TUB: variants seen among roughly 807,000 people sequenced by gnomAD.
TUB encodes the protein tubby protein homolog.
A neutral mutation model predicts 59.7 loss-of-function variants in TUB; 33 were observed. The observed-to-expected ratio is 0.55, with a 90% confidence interval of 0.42 to 0.74. The LOEUF is 0.74. Among genes scored for constraint, TUB ranks in the 30% least tolerant of loss-of-function variants. The probability of loss-of-function intolerance (pLI) is 0.00; values close to 1 mark genes in which losing one functional copy is unlikely to be tolerated. For missense variants in TUB, 659 were observed against 672.0 expected, an observed-to-expected ratio of 0.98 and a Z score of 0.21; for synonymous variants, 293 against 256.4, an observed-to-expected ratio of 1.14 and a Z score of -1.36.
Position 8,100,360 on chromosome 11 carries a change from C to T in TUB, c.1117-143C>T, listed in dbSNP as rs118176577. On this transcript the variant is annotated intron_variant, in intron 9 of 11. Coordinates refer to ENST00000299506, the MANE Select transcript of TUB (RefSeq NM_177972.3). ...AGAGACCCAGGGGCTCAGTTCTGGCCGTGTTAGGTTTAGAGGGATGTGTGT... is the reference window on the plus strand; with the variant it reads ...AGAGACCCAGGGGCTCAGTTCTGGCTGTGTTAGGTTTAGAGGGATGTGTGT... The T allele has an allele frequency of 5.5e-3, 3,706 of 674,324 alleles. 24 individuals are homozygous for T. Among genetic ancestry groups the T allele is most frequent in the African/African-American group, 9.7e-3 (542 of 56,092 alleles). 41.8% of individuals were successfully genotyped at this position (674,324 alleles called of 1,614,324 possible). A position where few individuals can be genotyped will look rare whatever the true frequency, so the allele number is the denominator to read the frequency against.
In TUB at chr11:8,101,700, T is replaced by C; in HGVS notation, c.*81T>C. On this transcript the variant is annotated 3_prime_UTR_variant, in exon 12 of 12. Transcript: ENST00000299506. The stretch of plus-strand genomic sequence containing the variant: ...CCTGTGGAGACAGCCCTGCCTATCC[T>C]CTGTATATAGGCCTTCCGCCAGATG... 6.4e-7 allele frequency: 1 copy of C among 1,557,702 alleles called. No homozygotes were observed. Among genetic ancestry groups the C allele is most frequent in the Non-Finnish European group, 8.7e-7 (1 of 1,152,878 alleles).
chr11:8,062,729 G>T (rs1047920316), intron 2 of TUB, among the ~76,000 whole-genome samples: 2 of 152,144 alleles, frequency 1.3e-5, no homozygotes, highest in African/African-American at 4.8e-5. Flanking sequence ...TGCCCACAGG[G>T]ACTCTAGGGC....
chr11:8,097,638 T>C, intron 7 of TUB, 76 bp from the exon 8 acceptor site: 1 of 1,371,048 alleles, frequency 7.3e-7, no homozygotes, highest in East Asian at 2.3e-5. Context: ...ACGGAGAGAG[T>C]CTGTGTGAGT....
chr11:8,042,394 T>C (rs143641873), intron 2 of TUB, among the ~76,000 whole-genome samples: 34 of 152,338 alleles, frequency 2.2e-4, no homozygotes, highest in African/African-American at 7.9e-4. Flanking sequence ...AACATTTGGG[T>C]GTTTCCACAT....
At chr11:8,055,034 G>A (rs1942996651) in intron 2 of TUB, among the ~76,000 whole-genome samples, 1 of 152,156 alleles carries the variant, frequency 6.6e-6, no homozygotes, top group Non-Finnish European at 1.5e-5. Context: ...TGCTCAGCCT[G>A]TGTCCCCTGG....
At chr11:8,040,278 A>G (rs1325150489) in intron 2 of TUB, among the ~76,000 whole-genome samples, 1 of 152,196 alleles carries the variant, frequency 6.6e-6, no homozygotes, top group African/African-American at 2.4e-5. Flanking sequence ...GGCCCACAGA[A>G]TGGTCATAAA....
chr11:8,104,060 C>A lies in TUB; in HGVS notation c.*2441C>A, dbSNP rs1055051460. On this transcript the variant is annotated 3_prime_UTR_variant, in exon 12 of 12. Transcript: ENST00000299506. ...AGTAGCTGAGTGCACTCCTGGTGAT[C>A]CTGGTTTTCCTTGACCACTGGCCCT... 10 of 152,232 alleles carry A rather than the reference C, an allele frequency of 6.6e-5. No individual in the cohort carries two copies. Among genetic ancestry groups the A allele is most frequent in the African/African-American group, 9.6e-5 (4 of 41,458 alleles). 9.4% of individuals were successfully genotyped at this position (152,232 alleles called of 1,614,324 possible).
chr11:8,098,184 G>A (rs1052774591), intron 8 of TUB, among the ~76,000 whole-genome samples: 2 of 151,960 alleles, frequency 1.3e-5, no homozygotes, highest in African/African-American at 2.4e-5. Flanking sequence ...CTTGAGGGAA[G>A]AGACACACAG....
intron 2 of TUB, among the ~76,000 whole-genome samples, chr11:8,070,537 A>G (rs1943342651): frequency 6.6e-6 from 1 of 152,148 alleles, no homozygotes; most frequent in Non-Finnish European, 1.5e-5. Context: ...ACATTTTCTC[A>G]GGTCCAGTAC....
intron 2 of TUB, among the ~76,000 whole-genome samples, chr11:8,042,868 G>C (rs1201096762): frequency 5.3e-5 from 8 of 152,154 alleles, no homozygotes; most frequent in African/African-American, 1.9e-4. Flanking sequence ...ATGGTTTGCA[G>C]ATATTTTATT....
chr11:8,092,641 G>A (rs562267518), intron 3 of TUB, among the ~76,000 whole-genome samples: 1 of 152,112 alleles, frequency 6.6e-6, no homozygotes, highest in Non-Finnish European at 1.5e-5. Context: ...TTTTCACAGA[G>A]GACATTTGAA....
intron 2 of TUB, chr11:8,076,194 C>G (rs1200484382): frequency 6.6e-6 from 1 of 152,142 alleles, no homozygotes; most frequent in Non-Finnish European, 1.5e-5. Context: ...GTGCTTTGCC[C>G]TGCAAACCAG....
At chr11:8,019,330 C>G (rs1942382885) in exon 1 of TUB, 2 of 1,283,788 alleles carry the variant, frequency 1.6e-6, no homozygotes, top group Non-Finnish European at 9.8e-7. Context: ...CCACCGGACC[C>G]TGTCTTACAG....
In TUB at chr11:8,100,533, CGG is replaced by C; in HGVS notation, c.1148_1149del (p.Arg383GlnfsTer14). The C allele has an allele frequency of 6.2e-7, 1 of 1,614,090 alleles. No homozygotes were observed. The highest frequency in any genetic ancestry group is 8.5e-7 in the Non-Finnish European group (1 of 1,180,008). ...AAACGTCTTAGGCTTCAAGGGGCCTCGGAAGATGAGCGTGATTGTCCCAGGCA... is the reference window on the plus strand; with the variant it reads ...AAACGTCTTAGGCTTCAAGGGGCCTCAAGATGAGCGTGATTGTCCCAGGCA... ...ETNVLGFKGP[R>X]KMSVIVPGMN... On this transcript the variant is annotated frameshift_variant, in exon 10 of 12. Coordinates refer to ENST00000299506, the MANE Select transcript of TUB (RefSeq NM_177972.3). LOFTEE classifies it high-confidence loss of function.
At chr11:8,047,347 T>C (rs1460310430) in intron 2 of TUB, among the ~76,000 whole-genome samples, 1 of 152,190 alleles carries the variant, frequency 6.6e-6, no homozygotes. Context: ...TCACAAGTCT[T>C]AGTAAATTTA....
intron 2 of TUB, among the ~76,000 whole-genome samples, chr11:8,067,047 T>TCCACTC (rs1346074481): frequency 1.3e-5 from 2 of 152,138 alleles, no homozygotes; most frequent in African/African-American, 4.8e-5. Context: ...TCCAGGCAGC[T>TCCACTC]CCACTCCCGG....
At chr11:8,092,289 C>T (rs887149428) in intron 3 of TUB, among the ~76,000 whole-genome samples, 5 of 152,040 alleles carry the variant, frequency 3.3e-5, no homozygotes, top group Non-Finnish European at 5.9e-5. Context: ...AAAAAGTGAG[C>T]AGGGTGTGGT....
chr11:8,093,999 C>G, intron 3 of TUB, 47 bp from the exon 4 acceptor site: 1 of 1,613,014 alleles, frequency 6.2e-7, no homozygotes, highest in Non-Finnish European at 8.5e-7. Context: ...TCTGGTCTCA[C>G]CCACTGCCTG....
chr11:8,040,162 G>A (rs572382260), intron 2 of TUB, among the ~76,000 whole-genome samples: 5 of 152,286 alleles, frequency 3.3e-5, no homozygotes, highest in East Asian at 3.9e-4. Flanking sequence ...CCGGGGTGCC[G>A]TCCCAAGCCT....
Sources: gnomAD v4.1 joint callset for allele counts (sites outside exome capture counted in the v4.1 genomes callset) on GRCh38, gnomAD v4.1.1 for gene constraint, MANE v1.5 for transcripts, NCBI Gene and HGNC (gene_info 2026-07-23, HGNC 2026-07-21) for gene names.